Variants in FERMT1 observed in about 807,000 individuals in gnomAD.
The protein encoded by FERMT1 is fermitin family homolog 1.
In FERMT1, 60 loss-of-function variants were observed where a neutral mutation model predicts 85.3. That is an observed-to-expected ratio of 0.70 (90% confidence interval 0.57 to 0.87). The LOEUF (loss-of-function observed/expected upper bound fraction) is 0.87, where lower values mean the gene tolerates loss of function less well. Among genes scored for constraint, FERMT1 ranks in the 40% least tolerant of loss-of-function variants. FERMT1 has a pLI of 0.00. For missense variants in FERMT1, 701 were observed against 818.9 expected, an observed-to-expected ratio of 0.86 and a Z score of 1.76; for synonymous variants, 275 against 301.1, an observed-to-expected ratio of 0.91 and a Z score of 0.90.
intron 3 of FERMT1, 57 bp downstream of exon 3, chr20:6,115,754 T>G: frequency 1.6e-5 from 20 of 1,287,698 alleles, no homozygotes; most frequent in Non-Finnish European, 2.3e-5. Flanking sequence ...ACACATAATT[T>G]TCCTGTCTAG....
At chr20:6,120,952 T>G (rs1983255720) in intron 1 of FERMT1, among the ~76,000 whole-genome samples, 1 of 152,192 alleles carries the variant, frequency 6.6e-6, no homozygotes, top group Non-Finnish European at 1.5e-5. Context: ...AAACAACCAG[T>G]GTCATATCTG....
chr20:6,110,281 A>G lies in FERMT1; in HGVS notation c.746+17T>C. 6.3e-7 allele frequency: 1 copy of G among 1,599,872 alleles called. No homozygotes were observed. Among genetic ancestry groups the G allele is most frequent in the Non-Finnish European group, 8.6e-7 (1 of 1,168,918 alleles). Reference sequence around the variant, plus strand: ...CGGCACTAGCTCAGAGAGAAGTAAAAGGAGCCGTGTCCTTACCCTGCATTG... The same window carrying G: ...CGGCACTAGCTCAGAGAGAAGTAAAGGGAGCCGTGTCCTTACCCTGCATTG... On this transcript the variant is annotated intron_variant, in intron 5 of 14. Coordinates refer to ENST00000217289, the MANE Select transcript of FERMT1 (RefSeq NM_017671.5).
chr20:6,077,380 T>C (rs1224273452), intron 14 of FERMT1, 34 bp from the exon 15 acceptor site: 1 of 1,609,402 alleles, frequency 6.2e-7, no homozygotes, highest in Non-Finnish European at 8.5e-7. Context: ...GCTTAAACTC[T>C]GACAAGGAAT....
intron 6 of FERMT1, among the ~76,000 whole-genome samples, chr20:6,103,623 T>C (rs1255433663): frequency 6.6e-6 from 1 of 152,216 alleles, no homozygotes; most frequent in Admixed American, 6.5e-5. Flanking sequence ...GTTCATTTTC[T>C]ATGAACTATA....
At chr20:6,116,084 G>C in intron 2 of FERMT1, 40 bp from the exon 3 acceptor site, 5,196 of 1,312,344 alleles carry the variant, frequency 4.0e-3, no homozygotes, top group Non-Finnish European at 5.2e-3. Context: ...ATGAGAGAGG[G>C]CCCAGCTTGG....
chr20:6,107,751 G>A (rs1982838806), intron 5 of FERMT1, 117 bp from the exon 6 acceptor site: 1 of 611,578 alleles, frequency 1.6e-6, no homozygotes, highest in Non-Finnish European at 3.0e-6. Context: ...ATCAGGGTAT[G>A]TAATACAGAT....
rs539867893 is a variant in FERMT1, at chr20:6,112,595, C to G, written c.414G>C (p.Leu138Phe). Reference sequence around the variant, plus strand: ...TAAAATAGTCACCAGACGGCTTTAACAAGGAAAGCTCTTCTGATCTTCTAA... The same window carrying G: ...TAAAATAGTCACCAGACGGCTTTAAGAAGGAAAGCTCTTCTGATCTTCTAA... ...LNIRRSEELS[L>F]LKPSGDYFKK... is the part of the protein sequence containing the mutation. The change falls in exon 4 of 15, where the codon TTG becomes TTC. Residue 138 changes from leucine (L) to phenylalanine (F), a missense_variant. Physicochemically the swap from Leu to Phe is conservative, Grantham distance 22. Transcript: ENST00000217289. 3.1e-6 allele frequency: 5 copies of G among 1,593,026 alleles called. No individual in the cohort carries two copies. The highest frequency in any genetic ancestry group is 2.2e-5 in the East Asian group (1 of 44,710).
At chr20:6,081,120 C>G (rs1354351679) in intron 13 of FERMT1, among the ~76,000 whole-genome samples, 24 of 151,958 alleles carry the variant, frequency 1.6e-4, no homozygotes, top group Admixed American at 1.6e-3. Flanking sequence ...GATCCCATCT[C>G]CTAAAAGAAA....
rs886343507 is a variant in FERMT1, at chr20:6,075,050, T to C, written c.*2123A>G. 1.1e-5 allele frequency: 1 copy of C among 87,192 alleles called. No homozygotes were observed. The highest frequency in any genetic ancestry group is 3.4e-4 in the South Asian group (1 of 2,966). 5.4% of individuals were successfully genotyped at this position (87,192 alleles called of 1,614,324 possible). ...TTTGGAACAGTAGCATTTAGGTTTGTTTTTTTTTTTTTTTGTCACACTTGT... is the reference window on the plus strand; with the variant it reads ...TTTGGAACAGTAGCATTTAGGTTTGCTTTTTTTTTTTTTTGTCACACTTGT... On this transcript the variant is annotated 3_prime_UTR_variant, in exon 15 of 15. Transcript: ENST00000217289.
At chr20:6,095,067 G>T in intron 8 of FERMT1, 79 bp from the exon 9 acceptor site, 1 of 790,612 alleles carries the variant, frequency 1.3e-6, no homozygotes, top group Non-Finnish European at 2.3e-6. Flanking sequence ...GTCTAATATG[G>T]CAGTCCCTTG....
rs1339518143 is a variant in FERMT1, at chr20:6,094,074, CT to C, written c.1139+864del. The C allele has an allele frequency of 7.2e-5, 11 of 152,102 alleles. No homozygotes were observed. The East Asian group carries it at 9.6e-4, about 13-fold the overall frequency. The allele number at this position is 152,102 out of a possible 1,614,324, so 9.4% of individuals were successfully genotyped here. On this transcript the variant is annotated intron_variant, in intron 9 of 14. Coordinates refer to ENST00000217289, the MANE Select transcript of FERMT1 (RefSeq NM_017671.5). ...GAAACCCAGTGACAAATATTGTTAC[CT>C]TTGGACACTTGTTTGTCATTTATAC...
Position 6,119,652 on chromosome 20 carries a change from CT to C in FERMT1, c.-18-81del, listed in dbSNP as rs3215629. 0.065 allele frequency: 81,188 copies of C among 1,256,256 alleles called. 7,147 individuals carry two copies. The highest frequency in any genetic ancestry group is 0.48 in the East Asian group (18,661 of 38,954). 77.8% of individuals were successfully genotyped at this position (1,256,256 alleles called of 1,614,324 possible). On this transcript the variant is annotated intron_variant, in intron 1 of 14. Coordinates refer to ENST00000217289, the MANE Select transcript of FERMT1 (RefSeq NM_017671.5). ...TCAGTAGACTTGCAGAGCAAAATTT[CT>C]TTTTTGTTTTGTTTTTCATTGTAAC...
At chr20:6,112,645 A>G in intron 3 of FERMT1, 22 bp from the exon 4 acceptor site, 1 of 1,467,400 alleles carries the variant, frequency 6.8e-7, no homozygotes. Context: ...TATTTTTTAA[A>G]AATGAAGAAA....
chr20:6,107,066 T>C (rs1431923626), intron 6 of FERMT1, among the ~76,000 whole-genome samples: 2 of 152,072 alleles, frequency 1.3e-5, no homozygotes, highest in African/African-American at 2.4e-5. Context: ...CATGGTTGCA[T>C]GAGCCTGTAG....
At chr20:6,107,250 C>T (rs1426553644) in intron 6 of FERMT1, among the ~76,000 whole-genome samples, 2 of 147,996 alleles carry the variant, frequency 1.4e-5, no homozygotes, top group African/African-American at 2.5e-5. Context: ...CCACTCCCAT[C>T]TTGTTTGACC....
intron 5 of FERMT1, among the ~76,000 whole-genome samples, chr20:6,107,911 G>C (rs1982842880): frequency 6.6e-6 from 1 of 152,120 alleles, no homozygotes; most frequent in Non-Finnish European, 1.5e-5. Context: ...TATCACCTAG[G>C]CTTTAGTGCA....
intron 9 of FERMT1, among the ~76,000 whole-genome samples, chr20:6,092,465 C>T (rs2123112097): frequency 6.6e-6 from 1 of 152,228 alleles, no homozygotes; most frequent in Non-Finnish European, 1.5e-5. Flanking sequence ...ACCGCTGGAG[C>T]CTGTGAGGTA....
chr20:6,083,967 G>GA, intron 13 of FERMT1, 73 bp downstream of exon 13: 1 of 1,568,232 alleles, frequency 6.4e-7, no homozygotes, highest in Non-Finnish European at 8.8e-7. Flanking sequence ...TGCTAAATGA[G>GA]AAAACTGGGG....
At chr20:6,083,703 A>AC in intron 13 of FERMT1, among the ~76,000 whole-genome samples, 1 of 149,728 alleles carries the variant, frequency 6.7e-6, no homozygotes, top group African/African-American at 2.5e-5. Context: ...TAAAAAAAAA[A>AC]AACAAAAAAA....
Sources: allele counts gnomAD v4.1 joint callset (sites outside exome capture counted in the v4.1 genomes callset), GRCh38; gene constraint gnomAD v4.1.1; transcripts MANE v1.5; gene names NCBI Gene and HGNC (gene_info 2026-07-23, HGNC 2026-07-21).